Variants in COMT observed in about 807,000 individuals in gnomAD.
COMT encodes catechol-O-methyltransferase.
In COMT, 13 loss-of-function variants were observed where a neutral mutation model predicts 18.9. That is an observed-to-expected ratio of 0.69 (90% CI 0.45 to 1.09). COMT has a LOEUF of 1.09. Among genes scored for constraint, COMT ranks in the 50% least tolerant of loss-of-function variants. The pLI, the probability that COMT is intolerant of heterozygous loss-of-function variation, is 0.00. For missense variants in COMT, 329 were observed against 361.8 expected, an observed-to-expected ratio of 0.91 and a Z score of 0.73; for synonymous variants, 150 against 160.9, an observed-to-expected ratio of 0.93 and a Z score of 0.51.
chr22:19,950,241 C>CTT (rs55653258), intron 1 of COMT, among the ~76,000 whole-genome samples: 34 of 87,866 alleles, frequency 3.9e-4, no homozygotes, highest in Admixed American at 8.4e-4. Context: ...CTTTTCTTTT[C>CTT]TTTTTTTTTT....
intron 1 of COMT, among the ~76,000 whole-genome samples, chr22:19,944,394 A>C (rs1601504847): frequency 6.6e-6 from 1 of 152,228 alleles, no homozygotes; most frequent in Admixed American, 6.5e-5. Context: ...TAAAAATACA[A>C]AACATTAGCC....
In COMT at chr22:19,962,625, G is replaced by A. The variant is rs918618565; in HGVS notation, c.99G>A (p.Leu33=). Reference sequence around the variant, plus strand: ...TTCTGAGGCACTGGGGCTGGGGCCTGTGCCTTATCGGCTGGAACGAGTTCA... The same window carrying A: ...TTCTGAGGCACTGGGGCTGGGGCCTATGCCTTATCGGCTGGAACGAGTTCA... ...LLLLRHWGWG[L]CLIGWNEFIL... Residue 33 remains leucine, a synonymous_variant, in exon 3 of 6, where the codon CTG becomes CTA. Coordinates refer to ENST00000361682, the MANE Select transcript of COMT (RefSeq NM_000754.4). The A allele has an allele frequency of 6.2e-7, 1 of 1,605,720 alleles. No homozygotes were observed. Among genetic ancestry groups the A allele is most frequent in the Non-Finnish European group, 8.5e-7 (1 of 1,176,460 alleles).
At chr22:19,956,815 A>C (rs1013768495) in intron 1 of COMT, among the ~76,000 whole-genome samples, 1 of 152,130 alleles carries the variant, frequency 6.6e-6, no homozygotes, top group African/African-American at 2.4e-5. Context: ...GGCTCAAGTG[A>C]TCCTCCTGCC....
At chr22:19,953,396 C>G (rs1470495207) in intron 1 of COMT, among the ~76,000 whole-genome samples, 2 of 152,128 alleles carry the variant, frequency 1.3e-5, no homozygotes, top group Admixed American at 6.5e-5. Flanking sequence ...ACGGTTCAAG[C>G]GATTCTCCTG....
intron 1 of COMT, among the ~76,000 whole-genome samples, chr22:19,954,031 C>A (rs537727187): frequency 4.7e-4 from 71 of 152,274 alleles, no homozygotes; most frequent in African/African-American, 1.7e-3. Flanking sequence ...CAGGGATGGC[C>A]CAGCTGGCCC....
intron 1 of COMT, among the ~76,000 whole-genome samples, chr22:19,952,587 C>T (rs531355343): frequency 6.8e-6 from 1 of 145,998 alleles, no homozygotes; most frequent in Non-Finnish European, 1.5e-5. Flanking sequence ...TGCAGTGAGC[C>T]GAGATTGCGC....
chr22:19,946,117 A>G (rs902982029), intron 1 of COMT, among the ~76,000 whole-genome samples: 34 of 152,146 alleles, frequency 2.2e-4, no homozygotes, highest in Non-Finnish European at 4.0e-4. Flanking sequence ...ATCTTGGGCT[A>G]GCAGGTACAT....
rs536538848 is a variant in COMT, at chr22:19,968,598, G to A, written c.678G>A (p.Ala226=). 5.8e-5 allele frequency: 93 copies of A among 1,614,032 alleles called. No individual in the cohort carries two copies. The highest frequency in any genetic ancestry group is 2.0e-4 in the Admixed American group (12 of 60,018). Residue 226 remains alanine, a synonymous_variant, in exon 6 of 6, where the codon GCG becomes GCA. Transcript: ENST00000361682. The part of the protein sequence containing the change: ...LLADNVICPG[A]PDFLAHVRGS... ...CTGACAACGTGATCTGCCCAGGTGC[G>A]CCAGACTTCCTAGCACACGTGCGCG... is the stretch of plus-strand genomic sequence containing the variant.
chr22:19,962,103 TCTC>T (rs1293621345), intron 2 of COMT: 1 of 292,582 alleles, frequency 3.4e-6, no homozygotes, highest in East Asian at 8.4e-5. Flanking sequence ...CCATACAGCC[TCTC>T]CTTTGGCCAC....
Position 19,963,313 on chromosome 22 carries a change from C to T in COMT, c.290-253C>T, listed in dbSNP as rs575036605. 136 of 596,528 alleles carry T rather than the reference C, an allele frequency of 2.3e-4. No individual in the cohort carries two copies. In the South Asian group the frequency reaches 2.4e-3, roughly 11 times the overall value. The allele number at this position is 596,528 out of a possible 1,614,324, so 37.0% of individuals were successfully genotyped here. On this transcript the variant is annotated intron_variant, in intron 3 of 5. Coordinates refer to ENST00000361682, the MANE Select transcript of COMT (RefSeq NM_000754.4). The stretch of plus-strand genomic sequence containing the variant: ...GAAGGGTGGAAAAGATAGGGACCAG[C>T]GTGAGCATAGAGGCTAAGGGACCAT...
chr22:19,942,433 C>G (rs1306612075), intron 1 of COMT, among the ~76,000 whole-genome samples: 1 of 152,082 alleles, frequency 6.6e-6, no homozygotes, highest in African/African-American at 2.4e-5. Flanking sequence ...ACCCCAGGGC[C>G]TTTCCCTGCA....
intron 5 of COMT, among the ~76,000 whole-genome samples, chr22:19,968,167 C>T (rs564533638): frequency 2.6e-5 from 4 of 152,216 alleles, no homozygotes; most frequent in Non-Finnish European, 5.9e-5. Context: ...GGGTGCCTCT[C>T]CCTCATAGGC....
Position 19,957,710 on chromosome 22 carries a change from C to T in COMT, c.-91-3489C>T, listed in dbSNP as rs536030833. Among the ~76,000 whole-genome samples, 26 of 152,328 alleles carry T rather than the reference C, an allele frequency of 1.7e-4. No homozygotes were observed. In the South Asian group the frequency reaches 4.6e-3, roughly 27 times the overall value. On this transcript the variant is annotated intron_variant, in intron 1 of 5. Transcript: ENST00000361682. ...AGCATGTGCAGGTGCTGTGTGGGCA[C>T]GATCATGCCTGCCCTCTACTGTGCT...
At chr22:19,946,311 A>G (rs1941834808) in intron 1 of COMT, among the ~76,000 whole-genome samples, 1 of 152,024 alleles carries the variant, frequency 6.6e-6, no homozygotes, top group African/African-American at 2.4e-5. Flanking sequence ...ACATGGTGAA[A>G]CCCTGTCTCT....
chr22:19,959,590 G>A (rs1276992523), intron 1 of COMT, among the ~76,000 whole-genome samples: 5 of 152,210 alleles, frequency 3.3e-5, no homozygotes, highest in African/African-American at 1.2e-4. Flanking sequence ...GGTGGGGTGG[G>A]CAGGGGCCAG....
chr22:19,943,919 C>T (rs34691071), intron 1 of COMT, among the ~76,000 whole-genome samples: 1,563 of 152,196 alleles, frequency 0.01, 15 homozygotes, highest in African/African-American at 0.035. Context: ...TCTTCCTGGG[C>T]GGCCTGTGTA....
chr22:19,946,107 A>T (rs1470291312), intron 1 of COMT, among the ~76,000 whole-genome samples: 2 of 152,140 alleles, frequency 1.3e-5, no homozygotes, highest in African/African-American at 4.8e-5. Context: ...GTTCTGCTTG[A>T]TCTTGGGCTA....
At chr22:19,964,368 T>C (rs765052408) in intron 5 of COMT, 69 bp downstream of exon 5, 1 of 1,609,084 alleles carries the variant, frequency 6.2e-7, no homozygotes, top group East Asian at 2.2e-5. Context: ...CCTCAGCCTC[T>C]CCAAAGAGCC....
At chr22:19,967,236 C>G (rs574147654) in intron 5 of COMT, 26 of 1,301,822 alleles carry the variant, frequency 2.0e-5, no homozygotes, top group Admixed American at 1.6e-4. Context: ...GCTCCTGAGT[C>G]CCCTGGCGCA....
Sources: gnomAD v4.1 joint callset for allele counts (sites outside exome capture counted in the v4.1 genomes callset) on GRCh38, gnomAD v4.1.1 for gene constraint, MANE v1.5 for transcripts, NCBI Gene and HGNC (gene_info 2026-07-23, HGNC 2026-07-21) for gene names.